RAB21: variants seen among roughly 807,000 people sequenced by gnomAD.
The protein encoded by RAB21 is ras-related protein Rab-21.
A neutral mutation model predicts 33.1 loss-of-function variants in RAB21; 13 were observed. The observed-to-expected ratio is 0.39, with a 90% CI of 0.26 to 0.62. RAB21 has a LOEUF of 0.62. RAB21 is among the 20% of genes least tolerant of loss of function. RAB21 has a pLI of 0.48. For synonymous variants in RAB21, 91 were observed against 103.7 expected, an observed-to-expected ratio of 0.88 and a Z score of 0.74; for missense variants, 234 against 279.1, an observed-to-expected ratio of 0.84 and a Z score of 1.15.
rs925232517 is a variant in RAB21, at chr12:71,755,367, C to G, written c.159+79C>G. On this transcript the variant is annotated intron_variant, in intron 1 of 6. Transcript: ENST00000261263. Reference sequence around the variant, plus strand: ...GCTGGGGAAACTTTGCCGCCCTGGTCCCCTGGATGTAGGCTGGCAAATCTC... The same window carrying G: ...GCTGGGGAAACTTTGCCGCCCTGGTGCCCTGGATGTAGGCTGGCAAATCTC... 3.7e-5 allele frequency: 52 copies of G among 1,389,150 alleles called. 1 individual carries two copies. The African/African-American group carries it at 7.3e-4, about 19-fold the overall frequency. The allele number at this position is 1,389,150 out of a possible 1,614,324, so 86.1% of individuals were successfully genotyped here.
At chr12:71,769,461 A>G (rs1194597457) in intron 1 of RAB21, among the ~76,000 whole-genome samples, 3 of 151,996 alleles carry the variant, frequency 2.0e-5, no homozygotes, top group Non-Finnish European at 2.9e-5. Flanking sequence ...TTATCTTAGA[A>G]ATCTCTTAGA....
intron 6 of RAB21, 43 bp downstream of exon 6, chr12:71,782,701 T>G: frequency 2.2e-6 from 3 of 1,350,546 alleles, no homozygotes; most frequent in Non-Finnish European, 3.1e-6. Flanking sequence ...TGGTTTTTGG[T>G]TTTTATTTTT....
chr12:71,763,101 G>GCGCACACA (rs1555187794), intron 1 of RAB21, among the ~76,000 whole-genome samples: 2 of 145,468 alleles, frequency 1.4e-5, no homozygotes, highest in African/African-American at 2.6e-5. Flanking sequence ...TATTTTGCAC[G>GCGCACACA]CACACACACA....
intron 1 of RAB21, among the ~76,000 whole-genome samples, chr12:71,759,024 C>G (rs561780184): frequency 6.6e-6 from 1 of 152,304 alleles, no homozygotes; most frequent in African/African-American, 2.4e-5. Context: ...ACTGAAACAT[C>G]TTAGTCTTAA....
At chr12:71,780,074 GTTA>G (rs1243360799) in intron 4 of RAB21, among the ~76,000 whole-genome samples, 1 of 151,998 alleles carries the variant, frequency 6.6e-6, no homozygotes, top group Non-Finnish European at 1.5e-5. Flanking sequence ...AAAATAATAG[GTTA>G]TTAAGATAGC....
At chr12:71,781,710 T>G (rs1883203717) in intron 4 of RAB21, among the ~76,000 whole-genome samples, 1 of 152,174 alleles carries the variant, frequency 6.6e-6, no homozygotes, top group Non-Finnish European at 1.5e-5. Flanking sequence ...TACACTTGCC[T>G]AAGAATCATA....
chr12:71,759,750 C>G (rs1882842658), intron 1 of RAB21, among the ~76,000 whole-genome samples: 1 of 152,216 alleles, frequency 6.6e-6, no homozygotes, highest in East Asian at 1.9e-4. Context: ...ACAAGATAGG[C>G]TGTGTTTCTG....
In RAB21 at chr12:71,798,511, T is replaced by C. The variant is rs1254486785; in HGVS notation, c.*12838T>C. ...TCAAATCATATCATGCATTGCTTAATTTATAAAGAACACCTAGAAATGAAA... is the reference window on the plus strand; with the variant it reads ...TCAAATCATATCATGCATTGCTTAACTTATAAAGAACACCTAGAAATGAAA... On this transcript the variant is annotated 3_prime_UTR_variant, in exon 7 of 7. Coordinates refer to ENST00000261263, the MANE Select transcript of RAB21 (RefSeq NM_014999.4). The C allele has an allele frequency of 6.6e-6, 1 of 152,158 alleles. No homozygotes were observed. 9.4% of individuals were successfully genotyped at this position (152,158 alleles called of 1,614,324 possible).
At chr12:71,765,444 G>A (rs897996706) in intron 1 of RAB21, among the ~76,000 whole-genome samples, 5 of 151,946 alleles carry the variant, frequency 3.3e-5, no homozygotes, top group Admixed American at 6.6e-5. Flanking sequence ...GTGCAGAAGC[G>A]TTTCAGTTTA....
At position 71,797,114 on chromosome 12, in the gene RAB21, C is replaced by T. The variant is rs1883473690; in HGVS notation, c.*11441C>T. 1 of 152,020 alleles carries T rather than the reference C, an allele frequency of 6.6e-6. No homozygotes were observed. Among genetic ancestry groups the T allele is most frequent in the African/African-American group, 2.4e-5 (1 of 41,410 alleles). The allele number at this position is 152,020 out of a possible 1,614,324, so 9.4% of individuals were successfully genotyped here. On this transcript the variant is annotated 3_prime_UTR_variant, in exon 7 of 7. Transcript: ENST00000261263. ...TTTTACAGGGGCTCTGAAAGGTATA[C>T]AAAATGTACTACTATAATTAATGTC...
intron 4 of RAB21, among the ~76,000 whole-genome samples, chr12:71,780,789 T>G (rs79736675): frequency 0.024 from 3,694 of 152,282 alleles, 168 homozygotes; most frequent in African/African-American, 0.084. Context: ...CAATGCCTTA[T>G]CTGAAATTTA....
chr12:71,755,513 G>A (rs1475001030), intron 1 of RAB21, among the ~76,000 whole-genome samples: 1 of 152,180 alleles, frequency 6.6e-6, no homozygotes, highest in Admixed American at 6.5e-5. Context: ...GCCCTGAAAA[G>A]TCCCCAGTGT....
rs1358152111 is a variant in RAB21, at chr12:71,788,923, T to C, written c.*3250T>C. The C allele has an allele frequency of 1.3e-5, 2 of 152,058 alleles. No homozygotes were observed. The highest frequency in any genetic ancestry group is 2.9e-5 in the Non-Finnish European group (2 of 67,968). 9.4% of individuals were successfully genotyped at this position (152,058 alleles called of 1,614,324 possible). A position where few individuals can be genotyped will look rare whatever the true frequency, so the allele number is the denominator to read the frequency against. Reference sequence around the variant, plus strand: ...AAGCATTATGTTATTGTATGAAATATAAGTGTTCAGATTTGTTTTGTCTGG... The same window carrying C: ...AAGCATTATGTTATTGTATGAAATACAAGTGTTCAGATTTGTTTTGTCTGG... On this transcript the variant is annotated 3_prime_UTR_variant, in exon 7 of 7. Coordinates refer to ENST00000261263, the MANE Select transcript of RAB21 (RefSeq NM_014999.4).
At chr12:71,781,134 TAA>T (rs1565893705) in intron 4 of RAB21, among the ~76,000 whole-genome samples, 2 of 152,224 alleles carry the variant, frequency 1.3e-5, no homozygotes, top group African/African-American at 2.4e-5. Flanking sequence ...ATACATATAT[TAA>T]GTTTTAATAA....
chr12:71,784,285 T>C (rs1000682047), intron 6 of RAB21, among the ~76,000 whole-genome samples: 2 of 152,168 alleles, frequency 1.3e-5, no homozygotes, highest in African/African-American at 4.8e-5. Context: ...TCTCTTAAAG[T>C]GCAGTTTTAA....
rs1208253425 is a variant in RAB21 at position 71,779,196 on chromosome 12, T to C, written c.392-2835T>C. On this transcript the variant is annotated intron_variant, in intron 4 of 6. Transcript: ENST00000261263. ...CAGTTATGGCCAGGCGTGGTGACTC[T>C]GGCCTTTAATCCGAGCATTTAGGGA... Among the ~76,000 whole-genome samples, 4 of 152,312 alleles carry C rather than the reference T, an allele frequency of 2.6e-5. No individual in the cohort carries two copies. The East Asian group carries it at 7.7e-4, about 29-fold the overall frequency.
At chr12:71,781,596 A>T (rs538423979) in intron 4 of RAB21, among the ~76,000 whole-genome samples, 1 of 152,336 alleles carries the variant, frequency 6.6e-6, no homozygotes, top group East Asian at 1.9e-4. Context: ...AGGATCCAAG[A>T]GGCTAGATTA....
intron 1 of RAB21, 87 bp from the exon 2 acceptor site, chr12:71,769,713 A>G (rs1883012818): frequency 1.2e-5 from 7 of 594,556 alleles, no homozygotes; most frequent in African/African-American, 7.7e-5. Context: ...TAACTTTTAC[A>G]TTGAGATGAT....
intron 1 of RAB21, 117 bp downstream of exon 1, chr12:71,755,405 T>C: frequency 1.6e-6 from 2 of 1,230,430 alleles, no homozygotes; most frequent in Non-Finnish European, 2.1e-6. Flanking sequence ...GCCTGTCATC[T>C]CCGCCTTCGG....
Sources: allele counts gnomAD v4.1 joint callset (sites outside exome capture counted in the v4.1 genomes callset), GRCh38; gene constraint gnomAD v4.1.1; transcripts MANE v1.5; gene names NCBI Gene and HGNC (gene_info 2026-07-23, HGNC 2026-07-21).